Variants in TMEM232 observed in about 807,000 individuals in gnomAD.
TMEM232 encodes transmembrane protein 232.
In TMEM232, 80 loss-of-function variants were observed where a neutral mutation model predicts 78.8. The observed-to-expected ratio is 1.01, with a 90% CI of 0.85 to 1.22. TMEM232 has a LOEUF of 1.22. Among genes scored for constraint, TMEM232 ranks in the 50% most tolerant of loss-of-function variants. The pLI is 0.00. For synonymous variants in TMEM232, 297 were observed against 254.3 expected (o/e 1.17, Z -1.60); for missense variants, 881 against 742.2 (o/e 1.19, Z -2.17).
chr5:110,425,025 A>T, intron 12 of TMEM232, 109 bp from the exon 13 acceptor site: 1 of 823,366 alleles, frequency 1.2e-6, no homozygotes. Context: ...TTGATTCTTC[A>T]TTGTTAACAT....
chr5:110,596,874 A>C (rs1262769955), intron 10 of TMEM232, among the ~76,000 whole-genome samples: 2 of 152,186 alleles, frequency 1.3e-5, no homozygotes, highest in Non-Finnish European at 2.9e-5. Flanking sequence ...TCAAAATAAT[A>C]AGAGCTATCT....
chr5:110,555,810 T>A (rs1032730523), intron 11 of TMEM232, among the ~76,000 whole-genome samples: 3 of 152,172 alleles, frequency 2.0e-5, no homozygotes, highest in African/African-American at 7.2e-5. Context: ...GAAATTAGAA[T>A]AGCAACCCCT....
chr5:110,615,723 T>C (rs1782841003), intron 8 of TMEM232, among the ~76,000 whole-genome samples: 1 of 151,940 alleles, frequency 6.6e-6, no homozygotes, highest in South Asian at 2.1e-4. Context: ...TGATCTTATA[T>C]ATAGAAAACC....
chr5:110,682,812 T>C (rs778464267), intron 1 of TMEM232, among the ~76,000 whole-genome samples: 8 of 152,114 alleles, frequency 5.3e-5, no homozygotes, highest in Non-Finnish European at 1.0e-4. Flanking sequence ...GATCCCTCCA[T>C]GGTATCTGAC....
intron 8 of TMEM232, among the ~76,000 whole-genome samples, chr5:110,616,674 T>C (rs1239687680): frequency 6.6e-6 from 1 of 151,984 alleles, no homozygotes; most frequent in Non-Finnish European, 1.5e-5. Flanking sequence ...AAAGAAGACA[T>C]ACTAATGGCC....
At chr5:110,451,962 GAA>G (rs962209267) in intron 12 of TMEM232, among the ~76,000 whole-genome samples, 36 of 152,094 alleles carry the variant, frequency 2.4e-4, no homozygotes, top group African/African-American at 8.4e-4. Context: ...GATATTGAGA[GAA>G]GTTTCAGCTA....
At chr5:110,473,985 G>C (rs1265308959) in intron 12 of TMEM232, among the ~76,000 whole-genome samples, 1 of 146,616 alleles carries the variant, frequency 6.8e-6, no homozygotes, top group Non-Finnish European at 1.5e-5. Flanking sequence ...GGGTGGGGGA[G>C]AGTAGGGGGT....
intron 7 of TMEM232, among the ~76,000 whole-genome samples, chr5:110,621,109 C>T (rs1783693272): frequency 2.0e-5 from 3 of 151,960 alleles, no homozygotes; most frequent in East Asian, 3.9e-4. Flanking sequence ...GTGATGCACC[C>T]GCCTCTGCCT....
At chr5:110,560,552 GA>G (rs200762792) in intron 11 of TMEM232, among the ~76,000 whole-genome samples, 2,950 of 152,054 alleles carry the variant, frequency 0.019, 88 homozygotes, top group African/African-American at 0.068. Flanking sequence ...AATCATTAAA[GA>G]AAGAAGTTAT....
chr5:110,582,097 T>C (rs747880027), intron 10 of TMEM232, among the ~76,000 whole-genome samples: 1 of 152,032 alleles, frequency 6.6e-6, no homozygotes, highest in Non-Finnish European at 1.5e-5. Context: ...GAAAGCAGTT[T>C]GGAGATTTCT....
At chr5:110,706,317 C>G (rs934631044) in intron 1 of TMEM232, among the ~76,000 whole-genome samples, 4 of 152,166 alleles carry the variant, frequency 2.6e-5, no homozygotes, top group African/African-American at 9.7e-5. Flanking sequence ...TATGTTCCAA[C>G]TATCAAAATG....
chr5:110,679,982 A>T (rs1397296591), intron 1 of TMEM232, among the ~76,000 whole-genome samples: 1 of 152,182 alleles, frequency 6.6e-6, no homozygotes, highest in African/African-American at 2.4e-5. Context: ...GCATCTTTAA[A>T]AAGTAATCAT....
At chr5:110,720,638 A>G (rs1336953322) in intron 1 of TMEM232, 3 of 152,110 alleles carry the variant, frequency 2.0e-5, no homozygotes, top group Non-Finnish European at 4.4e-5. Flanking sequence ...TTTTTTTCCC[A>G]TTTTACTACA....
chr5:110,587,858 TATA>T (rs1281493244), intron 10 of TMEM232, among the ~76,000 whole-genome samples: 1 of 150,616 alleles, frequency 6.6e-6, no homozygotes, highest in Non-Finnish European at 1.5e-5. Flanking sequence ...TGTATATGTA[TATA>T]ATATGATCAG....
intron 12 of TMEM232, among the ~76,000 whole-genome samples, chr5:110,452,284 G>A (rs537916342): frequency 2.0e-5 from 3 of 152,196 alleles, no homozygotes; most frequent in South Asian, 2.1e-4. Flanking sequence ...CAACTGATAC[G>A]ATTTTTGTCT....
At chr5:110,687,570 T>A (rs1028528665) in intron 1 of TMEM232, among the ~76,000 whole-genome samples, 2 of 152,186 alleles carry the variant, frequency 1.3e-5, no homozygotes, top group African/African-American at 4.8e-5. Flanking sequence ...TCATAGGGAC[T>A]ATCCAGATTC....
At position 110,420,813 on chromosome 5, in the gene TMEM232, T is replaced by C. The variant is rs187487930; in HGVS notation, c.1798-57A>G. The C allele has an allele frequency of 6.8e-6, 10 of 1,469,510 alleles. No homozygotes were observed. The Admixed American group carries it at 3.2e-4, about 47-fold the overall frequency. The allele number at this position is 1,469,510 out of a possible 1,614,324, so 91.0% of individuals were successfully genotyped here. On this transcript the variant is annotated intron_variant, in intron 13 of 13. Coordinates refer to ENST00000455884, the MANE Select transcript of TMEM232 (RefSeq NM_001039763.4). ...TTTTCCATGAAAAAATGCATATCAG[T>C]TTAGCTGCTCAAAATGCAGATTCTT...
intron 1 of TMEM232, among the ~76,000 whole-genome samples, chr5:110,716,593 G>A (rs967426030): frequency 1.3e-5 from 2 of 152,102 alleles, no homozygotes; most frequent in African/African-American, 4.8e-5. Context: ...CTGACAGGAG[G>A]TAGAGCTCAA....
chr5:110,491,180 T>G (rs1765051549), intron 12 of TMEM232, among the ~76,000 whole-genome samples: 1 of 152,010 alleles, frequency 6.6e-6, no homozygotes, highest in African/African-American at 2.4e-5. Context: ...ATAGATTTTT[T>G]TAAAGAAGGT....
Sources: gnomAD v4.1 joint callset for allele counts (sites outside exome capture counted in the v4.1 genomes callset) on GRCh38, gnomAD v4.1.1 for gene constraint, MANE v1.5 for transcripts, NCBI Gene and HGNC (gene_info 2026-07-23, HGNC 2026-07-21) for gene names.